Variants in PTTG1IP2 observed in about 807,000 individuals in gnomAD.
PTTG1IP2 encodes the protein PTTG1IP family member 2.
chr7:90,472,173 G>A (rs1272804900), intron 1 of PTTG1IP2, among the ~76,000 whole-genome samples: 3 of 151,888 alleles, frequency 2.0e-5, no homozygotes, highest in Admixed American at 6.6e-5. Flanking sequence ...ACAAATGGAA[G>A]GTCTGAACAG....
intron 6 of PTTG1IP2, among the ~76,000 whole-genome samples, chr7:90,509,014 C>T (rs1325170183): frequency 6.6e-6 from 1 of 151,920 alleles, no homozygotes; most frequent in Non-Finnish European, 1.5e-5. Flanking sequence ...GGCACTTGGG[C>T]CTTATTTGTG....
In PTTG1IP2 at chr7:90,507,537, C is replaced by A. The variant is rs1181716801; in HGVS notation, c.*51-5741C>A. Among the ~76,000 whole-genome samples the A allele has an allele frequency of 2.0e-5, 3 of 152,166 alleles. No individual in the cohort carries two copies. In the East Asian group the frequency reaches 5.8e-4, roughly 29 times the overall value. On this transcript the variant is annotated intron_variant, in intron 6 of 6. Transcript: ENST00000509356. ...AAACTCCTAGAATATAATACATAAT[C>A]ACTAAATGGTGATTCTTGGGCTCTC...
chr7:90,501,804 A>C (rs1798065062), intron 6 of PTTG1IP2, among the ~76,000 whole-genome samples: 1 of 152,112 alleles, frequency 6.6e-6, no homozygotes, highest in Non-Finnish European at 1.5e-5. Flanking sequence ...GTGGTTGCTG[A>C]AGTTTGGGTT....
intron 6 of PTTG1IP2, among the ~76,000 whole-genome samples, chr7:90,508,589 G>A (rs925483087): frequency 6.6e-6 from 1 of 152,212 alleles, no homozygotes; most frequent in African/African-American, 2.4e-5. Flanking sequence ...TACAGTATAA[G>A]GAACAGGTAA....
rs17869360 is a variant in PTTG1IP2 at position 90,481,729 on chromosome 7, C to T, written c.192+2455C>T. ...ACATGTACATTTTTGAATTGTAACT[C>T]GTATCATTTAAATTGTTTTTATGTT... On this transcript the variant is annotated intron_variant, in intron 2 of 6. Coordinates refer to ENST00000509356, the MANE Select transcript of PTTG1IP2 (RefSeq NM_001365443.2). 1.8e-3 allele frequency among the ~76,000 whole-genome samples: 272 copies of T among 152,168 alleles called. 5 individuals are homozygous for T. The East Asian group carries it at 0.023, about 13-fold the overall frequency.
chr7:90,482,362 A>G (rs779364148), intron 2 of PTTG1IP2, among the ~76,000 whole-genome samples: 7 of 152,164 alleles, frequency 4.6e-5, no homozygotes, highest in African/African-American at 1.2e-4. Context: ...TTTGTATGAT[A>G]AATGATATTC....
At chr7:90,509,517 A>T (rs1798161237) in intron 6 of PTTG1IP2, among the ~76,000 whole-genome samples, 1 of 152,170 alleles carries the variant, frequency 6.6e-6, no homozygotes, top group Non-Finnish European at 1.5e-5. Context: ...GGTGAGAAGG[A>T]TGAAGTCTGC....
At chr7:90,480,575 A>G (rs1310356797) in intron 2 of PTTG1IP2, among the ~76,000 whole-genome samples, 1 of 152,178 alleles carries the variant, frequency 6.6e-6, no homozygotes, top group Non-Finnish European at 1.5e-5. Context: ...ATTTAAAAAT[A>G]TTTAAGCATA....
intron 6 of PTTG1IP2, among the ~76,000 whole-genome samples, chr7:90,508,105 C>CA (rs56263358): frequency 0.13 from 20,194 of 150,962 alleles, 1,479 homozygotes; most frequent in Middle Eastern, 0.21. Flanking sequence ...CAAAAAAATA[C>CA]AAAAAAAATT....
At chr7:90,497,284 GC>G (rs1464024280) in intron 6 of PTTG1IP2, among the ~76,000 whole-genome samples, 6 of 152,126 alleles carry the variant, frequency 3.9e-5, no homozygotes, top group Admixed American at 3.9e-4. Flanking sequence ...AAAAGTTAAG[GC>G]CGGGCGCAGT....
At chr7:90,505,013 A>G (rs1249761356) in intron 6 of PTTG1IP2, among the ~76,000 whole-genome samples, 1 of 152,190 alleles carries the variant, frequency 6.6e-6, no homozygotes, top group Non-Finnish European at 1.5e-5. Flanking sequence ...AGCTAATCTC[A>G]TGCTAGCAGC....
intron 1 of PTTG1IP2, among the ~76,000 whole-genome samples, chr7:90,476,723 A>G (rs529827405): frequency 4.6e-5 from 7 of 152,332 alleles, no homozygotes; most frequent in Admixed American, 4.6e-4. Context: ...ACAGTACACC[A>G]AGATGACATA....
At chr7:90,489,159 C>T (rs1045142720) in intron 4 of PTTG1IP2, among the ~76,000 whole-genome samples, 195 bp downstream of exon 4, 1 of 151,534 alleles carries the variant, frequency 6.6e-6, no homozygotes, top group African/African-American at 2.4e-5. Flanking sequence ...TCTCATCCCC[C>T]ACCCCACCTC....
At chr7:90,477,879 C>T (rs1345885559) in intron 1 of PTTG1IP2, among the ~76,000 whole-genome samples, 2 of 151,864 alleles carry the variant, frequency 1.3e-5, no homozygotes, top group African/African-American at 2.4e-5. Context: ...GGGCGGATCA[C>T]GAGGTCAGGA....
intron 2 of PTTG1IP2, among the ~76,000 whole-genome samples, chr7:90,482,699 G>C (rs1014601774): frequency 6.6e-6 from 1 of 152,092 alleles, no homozygotes; most frequent in African/African-American, 2.4e-5. Context: ...CTCAATCATG[G>C]TGTCACAATG....
chr7:90,512,414 A>G (rs1185153271), intron 6 of PTTG1IP2, among the ~76,000 whole-genome samples: 2 of 152,194 alleles, frequency 1.3e-5, no homozygotes, highest in African/African-American at 2.4e-5. Context: ...TTCAGCAAAG[A>G]CAAAAATAGA....
chr7:90,509,972 T>G (rs1352336101), intron 6 of PTTG1IP2, among the ~76,000 whole-genome samples: 2 of 152,234 alleles, frequency 1.3e-5, no homozygotes, highest in Admixed American at 1.3e-4. Context: ...AAATAGATTG[T>G]AGCTTTCCAA....
At chr7:90,471,397 T>C (rs1797685942) in intron 1 of PTTG1IP2, among the ~76,000 whole-genome samples, 1 of 152,210 alleles carries the variant, frequency 6.6e-6, no homozygotes, top group African/African-American at 2.4e-5. Context: ...GACTTCTATC[T>C]CTGATGTTCA....
intron 6 of PTTG1IP2, among the ~76,000 whole-genome samples, chr7:90,505,210 AGG>A: frequency 6.6e-6 from 1 of 152,340 alleles, no homozygotes; most frequent in East Asian, 1.9e-4. Flanking sequence ...ATATTTGAAA[AGG>A]GTATTCGATG....
Sources: gnomAD v4.1 joint callset for allele counts (sites outside exome capture counted in the v4.1 genomes callset) on GRCh38, gnomAD v4.1.1 for gene constraint, MANE v1.5 for transcripts, NCBI Gene and HGNC (gene_info 2026-07-23, HGNC 2026-07-21) for gene names.